Variants in AK5 observed in about 807,000 individuals in gnomAD.
AK5 encodes the protein adenylate kinase 5.
In AK5, 27 loss-of-function variants were observed where a neutral mutation model predicts 69.5. That is an observed-to-expected ratio of 0.39 (90% CI 0.29 to 0.54). AK5 has a LOEUF of 0.54. Ranked by LOEUF, AK5 falls within the 20% of genes least tolerant of loss-of-function variation. AK5 has a pLI of 0.71. For missense variants in AK5, 531 were observed against 700.4 expected (o/e 0.76, Z 2.73); for synonymous variants, 260 against 244.4 (o/e 1.06, Z -0.60).
In AK5 at chr1:77,461,051, T is replaced by G. The variant is rs1415640213; in HGVS notation, c.1060-22266T>G. Among the ~76,000 whole-genome samples the G allele has an allele frequency of 2.7e-5, 4 of 146,440 alleles. No individual in the cohort carries two copies. The East Asian group carries it at 7.9e-4, about 29-fold the overall frequency. Reference sequence around the variant, plus strand: ...ATGTGAAATTTTTTTTTTTTTTTTTTGAGACGGAGTCTGGGTCTTTCGCCC... The same window carrying G: ...ATGTGAAATTTTTTTTTTTTTTTTTGGAGACGGAGTCTGGGTCTTTCGCCC... On this transcript the variant is annotated intron_variant, in intron 8 of 13. Coordinates refer to ENST00000354567, the MANE Select transcript of AK5 (RefSeq NM_174858.3).
chr1:77,354,515 C>T (rs531319213), intron 6 of AK5, among the ~76,000 whole-genome samples: 3 of 152,304 alleles, frequency 2.0e-5, no homozygotes, highest in Admixed American at 6.5e-5. Flanking sequence ...GTGCAGCCAG[C>T]GCAGTGCCAG....
intron 6 of AK5, among the ~76,000 whole-genome samples, chr1:77,393,059 A>C (rs779958480): frequency 2.1e-4 from 32 of 152,042 alleles, no homozygotes; most frequent in Admixed American, 4.6e-4. Context: ...CAGCCTTCCA[A>C]GTAGCTGGGA....
intron 6 of AK5, 40 bp downstream of exon 6, chr1:77,340,608 C>A: frequency 6.3e-7 from 1 of 1,576,712 alleles, no homozygotes; most frequent in Non-Finnish European, 8.7e-7. Flanking sequence ...TACAAGAGCG[C>A]TCTTTCAGAT....
At chr1:77,442,623 G>A (rs551062281) in intron 8 of AK5, among the ~76,000 whole-genome samples, 13 of 152,118 alleles carry the variant, frequency 8.5e-5, no homozygotes, top group Non-Finnish European at 1.9e-4. Context: ...CGGAGTTTCT[G>A]TTATTGTTTG....
chr1:77,475,947 A>C (rs1557620897), intron 8 of AK5, among the ~76,000 whole-genome samples: 1 of 152,212 alleles, frequency 6.6e-6, no homozygotes, highest in Non-Finnish European at 1.5e-5. Context: ...GAAAAAAGGA[A>C]CTTAGAGAAA....
chr1:77,363,345 T>C (rs997365571), intron 6 of AK5, among the ~76,000 whole-genome samples: 2 of 152,164 alleles, frequency 1.3e-5, no homozygotes, highest in Non-Finnish European at 2.9e-5. Flanking sequence ...CCACTACCAC[T>C]CTTGTCCAAG....
intron 8 of AK5, among the ~76,000 whole-genome samples, chr1:77,428,650 C>T (rs938139800): frequency 8.6e-5 from 13 of 151,764 alleles, no homozygotes; most frequent in African/African-American, 2.4e-4. Flanking sequence ...ATGTGCACAA[C>T]GTGCAGGTTA....
At chr1:77,531,171 C>T (rs1047936947) in intron 12 of AK5, among the ~76,000 whole-genome samples, 1 of 152,160 alleles carries the variant, frequency 6.6e-6, no homozygotes, top group Non-Finnish European at 1.5e-5. Context: ...CTGGTGGGTT[C>T]GTGGTCTCGC....
At chr1:77,481,808 C>T (rs1655268131) in intron 8 of AK5, among the ~76,000 whole-genome samples, 1 of 152,158 alleles carries the variant, frequency 6.6e-6, no homozygotes, top group African/African-American at 2.4e-5. Flanking sequence ...GAAATTTAGC[C>T]TGCAGTATGA....
chr1:77,557,193 G>C (rs7527150), intron 13 of AK5: 10,170 of 152,684 alleles, frequency 0.067, 767 homozygotes, highest in African/African-American at 0.19. Context: ...CTCCATCAAT[G>C]ATGGGAGCAG....
chr1:77,545,405 A>G (rs1456693138), intron 13 of AK5, among the ~76,000 whole-genome samples: 1 of 152,220 alleles, frequency 6.6e-6, no homozygotes, highest in East Asian at 1.9e-4. Flanking sequence ...AGGTTAACAC[A>G]TCACAATATT....
chr1:77,448,782 C>T (rs1468207465), intron 8 of AK5, among the ~76,000 whole-genome samples: 1 of 152,216 alleles, frequency 6.6e-6, no homozygotes, highest in Non-Finnish European at 1.5e-5. Flanking sequence ...TAGGAACTCC[C>T]TGAGCCAGGG....
chr1:77,537,771 C>T (rs896673902), intron 13 of AK5, among the ~76,000 whole-genome samples: 10 of 152,200 alleles, frequency 6.6e-5, no homozygotes, highest in Non-Finnish European at 2.9e-5. Flanking sequence ...TCCTAAGAAA[C>T]ACTGGGTATA....
chr1:77,440,401 TTC>T (rs1183985284), intron 8 of AK5, among the ~76,000 whole-genome samples: 4 of 152,210 alleles, frequency 2.6e-5, no homozygotes, highest in African/African-American at 9.6e-5. Context: ...GTTTTTAAAA[TTC>T]TCTCTTTGCC....
chr1:77,423,569 G>A (rs1322120681), intron 8 of AK5, among the ~76,000 whole-genome samples: 1 of 151,968 alleles, frequency 6.6e-6, no homozygotes, highest in Non-Finnish European at 1.5e-5. Flanking sequence ...CCCAAAGATT[G>A]GAGAGACAAT....
At chr1:77,464,582 C>G (rs1011446425) in intron 8 of AK5, among the ~76,000 whole-genome samples, 27 of 152,070 alleles carry the variant, frequency 1.8e-4, no homozygotes, top group Non-Finnish European at 3.1e-4. Flanking sequence ...ATAGGCTGAA[C>G]AGAAGACAGG....
At chr1:77,412,918 C>A (rs1271185058) in intron 7 of AK5, among the ~76,000 whole-genome samples, 1 of 152,122 alleles carries the variant, frequency 6.6e-6, no homozygotes, top group Admixed American at 6.6e-5. Flanking sequence ...AAACCTTTGT[C>A]TTTATTCCCA....
intron 8 of AK5, among the ~76,000 whole-genome samples, chr1:77,439,284 T>C (rs1026171634): frequency 4.6e-5 from 7 of 152,224 alleles, no homozygotes; most frequent in Non-Finnish European, 5.9e-5. Flanking sequence ...GAAGATTACA[T>C]AATTTTTATT....
chr1:77,493,415 T>C (rs1656116623), intron 10 of AK5, among the ~76,000 whole-genome samples: 1 of 152,042 alleles, frequency 6.6e-6, no homozygotes, highest in Non-Finnish European at 1.5e-5. Context: ...AGGCCTATTA[T>C]GGAACTCCTT....
Sources: gnomAD v4.1 joint callset for allele counts (sites outside exome capture counted in the v4.1 genomes callset) on GRCh38, gnomAD v4.1.1 for gene constraint, MANE v1.5 for transcripts, NCBI Gene and HGNC (gene_info 2026-07-23, HGNC 2026-07-21) for gene names.